Variants in HPRT1 observed in about 807,000 individuals in gnomAD.
The protein encoded by HPRT1 is hypoxanthine phosphoribosyltransferase 1.
In HPRT1, 4 loss-of-function variants were observed where a neutral mutation model predicts 19.0. That is an observed-to-expected ratio of 0.21 (90% CI 0.10 to 0.48). The LOEUF is 0.48. Ranked by LOEUF, HPRT1 falls within the 20% of genes least tolerant of loss-of-function variation. The pLI is 0.98. For missense variants in HPRT1, 65 were observed against 164.0 expected (o/e 0.40, Z 3.30); for synonymous variants, 53 against 54.9 (o/e 0.97, Z 0.15).
At chrX:134,467,532 A>G (rs2077600098) in intron 1 of HPRT1, among the ~76,000 whole-genome samples, 1 of 111,865 alleles carries the variant, frequency 8.9e-6, no homozygotes, top group Non-Finnish European at 1.9e-5. Context: ...ACTAATCCAT[A>G]TTAGATGGGG....
intron 1 of HPRT1, among the ~76,000 whole-genome samples, chrX:134,473,132 T>A (rs1297310658): frequency 4.6e-5 from 5 of 108,577 alleles, no homozygotes; most frequent in African/African-American, 1.7e-4. Flanking sequence ...TCAGGCAGTC[T>A]GCCTGCCTCA....
At chrX:134,480,480 C>T (rs2077636401) in intron 3 of HPRT1, among the ~76,000 whole-genome samples, 1 of 105,899 alleles carries the variant, frequency 9.4e-6, no homozygotes, top group Non-Finnish European at 1.9e-5. Flanking sequence ...CAAGGTCTTG[C>T]TCTGTTGCCC....
chrX:134,493,526 A>G lies in HPRT1; in HGVS notation c.421A>G (p.Lys141Glu), dbSNP rs1240182715. 8.3e-7 allele frequency: 1 copy of G among 1,206,449 alleles called. No homozygotes were observed. Among genetic ancestry groups the G allele is most frequent in the Admixed American group, 2.2e-5 (1 of 45,994 alleles). The part of the protein sequence containing the change: ...LIVEDIIDTG[K>E]TMQTLLSLVR... ...TTGAAAGGATATAATTGACACTGGC[A>G]AAACAATGCAGACTTTGCTTTCCTT... Residue 141 changes from lysine to glutamate, a missense_variant, in exon 6 of 9, where the codon AAA (lysine) becomes GAA (glutamate). Physicochemically the swap from Lys to Glu is moderately conservative, Grantham distance 56. This residue lies in a region of HPRT1 where 16 missense variants were observed against 65.7 expected (regional missense o/e 0.24). Transcript: ENST00000298556.
intron 6 of HPRT1, among the ~76,000 whole-genome samples, chrX:134,496,838 T>C (rs942264224): frequency 5.4e-5 from 6 of 111,989 alleles, no homozygotes; most frequent in African/African-American, 1.9e-4. Flanking sequence ...TCTGGTTTTT[T>C]AAAGCTCCCA....
rs769125081 is a variant in HPRT1, at chrX:134,460,299, G to C, written c.-13G>C. 12 of 1,131,512 alleles carry C rather than the reference G, an allele frequency of 1.1e-5. No individual in the cohort carries two copies. The highest frequency in any genetic ancestry group is 1.4e-5 in the Non-Finnish European group (12 of 860,051). 93.2% of individuals were successfully genotyped at this position (1,131,512 alleles called of 1,213,427 possible). A position where few individuals can be genotyped will look rare whatever the true frequency, so the allele number is the denominator to read the frequency against. On this transcript the variant is annotated 5_prime_UTR_variant, in exon 1 of 9. Coordinates refer to ENST00000298556, the MANE Select transcript of HPRT1 (RefSeq NM_000194.3). ...CTCCTGAGCAGTCAGCCCGCGCGCCGGCCGGCTCCGTTATGGCGACCCGCA... is the reference window on the plus strand; with the variant it reads ...CTCCTGAGCAGTCAGCCCGCGCGCCCGCCGGCTCCGTTATGGCGACCCGCA...
At chrX:134,491,471 T>C (rs867170021) in intron 5 of HPRT1, among the ~76,000 whole-genome samples, 5 of 111,494 alleles carry the variant, frequency 4.5e-5, no homozygotes, top group African/African-American at 9.8e-5. Flanking sequence ...GATAAATCTA[T>C]CCTAAAGTCA....
chrX:134,486,624 T>C (rs578027150), intron 4 of HPRT1, 94 bp downstream of exon 4: 1 of 554,232 alleles, frequency 1.8e-6, no homozygotes. Context: ...ATAATTTACA[T>C]AGTATAACTA....
intron 5 of HPRT1, among the ~76,000 whole-genome samples, chrX:134,491,247 C>T (rs1317721473): frequency 9.1e-6 from 1 of 109,943 alleles, no homozygotes; most frequent in Non-Finnish European, 1.9e-5. Context: ...CTATTCTGGA[C>T]ATTTTGTATA....
Position 134,500,115 on chromosome X carries a change from C to G in HPRT1, c.*38C>G. Reference sequence around the variant, plus strand: ...AGTTGAGTTTGGAAACATCTGGAGTCCTATTGACATCGCCAGTAAAATTAT... The same window carrying G: ...AGTTGAGTTTGGAAACATCTGGAGTGCTATTGACATCGCCAGTAAAATTAT... On this transcript the variant is annotated 3_prime_UTR_variant, in exon 9 of 9. Coordinates refer to ENST00000298556, the MANE Select transcript of HPRT1 (RefSeq NM_000194.3). 1.1e-6 allele frequency: 1 copy of G among 949,368 alleles called. No individual in the cohort carries two copies. The highest frequency in any genetic ancestry group is 1.9e-5 in the African/African-American group (1 of 52,942). 78.2% of individuals were successfully genotyped at this position (949,368 alleles called of 1,213,427 possible).
intron 6 of HPRT1, among the ~76,000 whole-genome samples, chrX:134,494,108 C>A (rs757412297): frequency 2.3e-3 from 258 of 111,860 alleles, no homozygotes; most frequent in Non-Finnish European, 4.3e-3. Flanking sequence ...ATTTTCGTTT[C>A]ATCTCTCAAC....
At chrX:134,462,325 C>G (rs1158627696) in intron 1 of HPRT1, among the ~76,000 whole-genome samples, 1 of 110,806 alleles carries the variant, frequency 9.0e-6, no homozygotes, top group Non-Finnish European at 1.9e-5. Context: ...GGATTACAGG[C>G]GCCTGCCACC....
chrX:134,489,327 A>G (rs1349654868), intron 4 of HPRT1, among the ~76,000 whole-genome samples: 1 of 111,973 alleles, frequency 8.9e-6, no homozygotes, highest in Non-Finnish European at 1.9e-5. Context: ...GGTGAGGTAA[A>G]AAATTTAAAA....
chrX:134,473,320 T>C, intron 1 of HPRT1, 39 bp from the exon 2 acceptor site: 1 of 796,378 alleles, frequency 1.3e-6, no homozygotes, highest in East Asian at 3.1e-5. Context: ...GTTTGTATCC[T>C]GTAATGCTCT....
intron 1 of HPRT1, 61 bp downstream of exon 1, chrX:134,460,399 G>T: frequency 2.1e-6 from 2 of 935,095 alleles, no homozygotes; most frequent in Non-Finnish European, 2.7e-6. Context: ...TGGCGGCCGG[G>T]CCCTGAGGCG....
chrX:134,460,420 A>G, intron 1 of HPRT1, 82 bp downstream of exon 1: 1 of 835,451 alleles, frequency 1.2e-6, no homozygotes, highest in Non-Finnish European at 1.5e-6. Context: ...CGGGATCCGC[A>G]GTGCGGGCTC....
At chrX:134,495,903 C>T (rs2077679243) in intron 6 of HPRT1, among the ~76,000 whole-genome samples, 1 of 112,288 alleles carries the variant, frequency 8.9e-6, no homozygotes, top group Non-Finnish European at 1.9e-5. Flanking sequence ...ATAGTGTTTT[C>T]AAGGTTCATC....
At chrX:134,474,132 GCTAT>G (rs1237618257) in intron 2 of HPRT1, among the ~76,000 whole-genome samples, 6 of 111,602 alleles carry the variant, frequency 5.4e-5, no homozygotes, top group Non-Finnish European at 1.1e-4. Context: ...TGTGTCTAGA[GCTAT>G]CTAATATATT....
chrX:134,500,121 G>C lies in HPRT1; in HGVS notation c.*44G>C. On this transcript the variant is annotated 3_prime_UTR_variant, in exon 9 of 9. Transcript: ENST00000298556. Reference sequence around the variant, plus strand: ...GTTTGGAAACATCTGGAGTCCTATTGACATCGCCAGTAAAATTATCAATGT... The same window carrying C: ...GTTTGGAAACATCTGGAGTCCTATTCACATCGCCAGTAAAATTATCAATGT... 1 of 862,233 alleles carries C rather than the reference G, an allele frequency of 1.2e-6. No homozygotes were observed. Among genetic ancestry groups the C allele is most frequent in the Non-Finnish European group, 1.7e-6 (1 of 576,410 alleles). The allele number at this position is 862,233 out of a possible 1,213,427, so 71.1% of individuals were successfully genotyped here.
chrX:134,489,227 C>T (rs1051400731), intron 4 of HPRT1, among the ~76,000 whole-genome samples: 2 of 111,347 alleles, frequency 1.8e-5, no homozygotes, highest in Non-Finnish European at 3.8e-5. Context: ...TGAGCATTTA[C>T]CCCTAATATA....
Sources: allele counts gnomAD v4.1 joint callset (sites outside exome capture counted in the v4.1 genomes callset), GRCh38; gene constraint gnomAD v4.1.1; regional missense constraint gnomAD v4.1.1; transcripts MANE v1.5; gene names NCBI Gene and HGNC (gene_info 2026-07-23, HGNC 2026-07-21).